Variants in PASD1 observed in about 807,000 individuals in gnomAD.
PASD1 encodes PAS domain containing repressor 1.
PASD1 carries 13 observed loss-of-function variants against 58.8 expected under a neutral mutation model. The ratio of observed to expected loss-of-function variants is 0.22; its 90% confidence interval spans 0.14 to 0.35. The LOEUF (loss-of-function observed/expected upper bound fraction) is 0.35. Ranked by LOEUF, PASD1 falls within the 10% of genes least tolerant of loss-of-function variation. PASD1 has a pLI of 1.00. For synonymous variants in PASD1, 236 were observed against 216.7 expected, an observed-to-expected ratio of 1.09 and a Z score of -0.78; for missense variants, 734 against 568.3, an observed-to-expected ratio of 1.29 and a Z score of -2.96.
At position 151,674,412 on chromosome X, in the gene PASD1, G is replaced by A. The variant is rs144188028; in HGVS notation, c.2175+226G>A. Among the ~76,000 whole-genome samples, 33 of 112,548 alleles carry A rather than the reference G, an allele frequency of 2.9e-4. No homozygotes were observed. In the East Asian group the frequency reaches 9.2e-3, roughly 31 times the overall value. ...TGAGCTGGCCTAGTGAACCTTAGAC[G>A]CAATCTGACTGAAACTTCTCTCAAA... On this transcript the variant is annotated intron_variant, in intron 15 of 15. Transcript: ENST00000370357.
intron 1 of PASD1, among the ~76,000 whole-genome samples, chrX:151,579,260 T>G (rs1053235432): frequency 8.9e-6 from 1 of 112,261 alleles, no homozygotes; most frequent in Non-Finnish European, 1.9e-5. Context: ...TACAAACCGG[T>G]AAAGGCTTCA....
chrX:151,646,303 G>A (rs1602952494), intron 8 of PASD1, among the ~76,000 whole-genome samples: 2 of 111,943 alleles, frequency 1.8e-5, no homozygotes, highest in Admixed American at 9.5e-5. Flanking sequence ...TATTTAAGTC[G>A]GTGGATTTGA....
In PASD1 at chrX:151,676,159, C is replaced by T. The variant is rs772335785; in HGVS notation, c.*16C>T. On this transcript the variant is annotated 3_prime_UTR_variant, in exon 16 of 16. Transcript: ENST00000370357. Reference sequence around the variant, plus strand: ...GCCGTGCTAACAGTACTTTCATGACCAGTGATGAGGGGAAATGGGGGGAGG... The same window carrying T: ...GCCGTGCTAACAGTACTTTCATGACTAGTGATGAGGGGAAATGGGGGGAGG... The T allele has an allele frequency of 7.1e-5, 85 of 1,192,541 alleles. No homozygotes were observed. Among genetic ancestry groups the T allele is most frequent in the Non-Finnish European group, 5.8e-5 (51 of 886,457 alleles).
chrX:151,638,266 A>G (rs1282743117), intron 8 of PASD1, among the ~76,000 whole-genome samples: 1 of 107,471 alleles, frequency 9.3e-6, no homozygotes, highest in African/African-American at 3.4e-5. Flanking sequence ...AACACAAGGC[A>G]GGGAACATCA....
intron 9 of PASD1, among the ~76,000 whole-genome samples, chrX:151,655,469 A>G (rs1325987030): frequency 1.8e-5 from 2 of 112,151 alleles, no homozygotes; most frequent in Non-Finnish European, 3.8e-5. Context: ...CAGTCCCACC[A>G]ACAGTGTAAA....
intron 3 of PASD1, among the ~76,000 whole-genome samples, chrX:151,610,421 C>G (rs2013541189): frequency 9.0e-6 from 1 of 111,094 alleles, no homozygotes; most frequent in Non-Finnish European, 1.9e-5. Context: ...AGTTTTGAGT[C>G]TCTTGTTTCT....
chrX:151,620,873 ACT>A, intron 4 of PASD1, 55 bp from the exon 5 acceptor site: 2 of 897,437 alleles, frequency 2.2e-6, no homozygotes, highest in Non-Finnish European at 3.2e-6. Flanking sequence ...AAAAAAGTTT[ACT>A]CTCTCCCTCT....
intron 1 of PASD1, among the ~76,000 whole-genome samples, chrX:151,600,574 T>G (rs1408592875): frequency 9.0e-6 from 1 of 111,065 alleles, no homozygotes. Flanking sequence ...AGGAGGATTT[T>G]TTTTTTCAAT....
At chrX:151,626,948 C>T (rs1003192452) in intron 8 of PASD1, among the ~76,000 whole-genome samples, 1 of 111,736 alleles carries the variant, frequency 8.9e-6, no homozygotes. Context: ...GGTTGTCAAC[C>T]TTTAGCTGAT....
intron 15 of PASD1, among the ~76,000 whole-genome samples, chrX:151,674,866 A>G (rs2014524923): frequency 8.9e-6 from 1 of 112,090 alleles, no homozygotes; most frequent in South Asian, 3.7e-4. Flanking sequence ...CAAAATAACC[A>G]GAACAAACAG....
chrX:151,665,895 T>A (rs1479507002), intron 11 of PASD1, among the ~76,000 whole-genome samples: 1 of 100,599 alleles, frequency 9.9e-6, no homozygotes, highest in Non-Finnish European at 2.0e-5. Flanking sequence ...TGCATGTGTG[T>A]GTGTGTGTTT....
chrX:151,664,666 G>A (rs2014356771), intron 11 of PASD1, among the ~76,000 whole-genome samples: 1 of 111,444 alleles, frequency 9.0e-6, no homozygotes. Flanking sequence ...AAGAAAAGGT[G>A]GTATTTTTAA....
chrX:151,566,936 T>G (rs1356012477), intron 1 of PASD1, among the ~76,000 whole-genome samples: 1 of 108,800 alleles, frequency 9.2e-6, no homozygotes, highest in African/African-American at 3.3e-5. Context: ...TCCCAGCTAC[T>G]CGGGATGCTG....
At chrX:151,581,314 A>G (rs972073041) in intron 1 of PASD1, among the ~76,000 whole-genome samples, 3 of 108,537 alleles carry the variant, frequency 2.8e-5, no homozygotes, top group Non-Finnish European at 5.7e-5. Context: ...CTTGGGGCCA[A>G]GTGCAGTGGC....
chrX:151,588,675 G>A (rs2013204294), intron 1 of PASD1, among the ~76,000 whole-genome samples: 1 of 111,946 alleles, frequency 8.9e-6, no homozygotes, highest in Non-Finnish European at 1.9e-5. Context: ...ACCCCACAGA[G>A]ATTCCTGGGT....
At chrX:151,662,100 A>G (rs1286284411) in intron 10 of PASD1, among the ~76,000 whole-genome samples, 1 of 112,136 alleles carries the variant, frequency 8.9e-6, no homozygotes, top group Non-Finnish European at 1.9e-5. Flanking sequence ...TCATCAGTGG[A>G]ATTGGCCTAC....
intron 1 of PASD1, among the ~76,000 whole-genome samples, chrX:151,594,859 G>C (rs2013297700): frequency 1.8e-5 from 2 of 110,363 alleles, no homozygotes; most frequent in African/African-American, 3.3e-5. Context: ...TTCAGATTTT[G>C]TTCACCTGAA....
intron 1 of PASD1, among the ~76,000 whole-genome samples, chrX:151,572,544 A>G (rs945618246): frequency 8.9e-6 from 1 of 111,737 alleles, no homozygotes; most frequent in African/African-American, 3.3e-5. Context: ...ATACTTTCAG[A>G]TTCTTTACGG....
chrX:151,671,231 A>G, intron 12 of PASD1, 35 bp downstream of exon 12: 1 of 1,194,726 alleles, frequency 8.4e-7, no homozygotes. Context: ...GTCAGAGACC[A>G]GTTCTATATT....
Sources: allele counts gnomAD v4.1 joint callset (sites outside exome capture counted in the v4.1 genomes callset), GRCh38; gene constraint gnomAD v4.1.1; transcripts MANE v1.5; gene names NCBI Gene and HGNC (gene_info 2026-07-23, HGNC 2026-07-21).